The following SHPK variants were observed in gnomAD, a reference collection of about 807,000 sequenced individuals.
SHPK encodes the protein sedoheptulokinase, also known as carbohydrate kinase-like protein.
A neutral mutation model predicts 46.3 loss-of-function variants in SHPK; 51 were observed. The ratio of observed to expected loss-of-function variants is 1.10; its 90% CI spans 0.88 to 1.39. The LOEUF (loss-of-function observed/expected upper bound fraction) is 1.39, where lower values mean the gene tolerates loss of function less well. Ranked by LOEUF, SHPK falls within the 40% of genes most tolerant of loss-of-function variation. The pLI, the probability that SHPK is intolerant of heterozygous loss-of-function variation, is 0.00. For missense variants in SHPK, 668 were observed against 641.3 expected (o/e 1.04, Z -0.45); for synonymous variants, 290 against 273.9 (o/e 1.06, Z -0.58).
intron 4 of SHPK, chr17:3,622,559 C>A: frequency 1.0e-6 from 1 of 984,406 alleles, no homozygotes; most frequent in South Asian, 4.7e-5. Flanking sequence ...CTACCAGGTG[C>A]TTTTTGTTTT....
At chr17:3,614,526 AAAAAGAAAAGAAAAG>A (rs150410890) in intron 6 of SHPK, among the ~76,000 whole-genome samples, 1 of 146,286 alleles carries the variant, frequency 6.8e-6, no homozygotes, top group African/African-American at 2.6e-5. Flanking sequence ...CTCCATCTCA[AAAAAGAAAAGAAAAG>A]AAAAGAAAAG....
chr17:3,615,834 G>C (rs914966267), intron 5 of SHPK, among the ~76,000 whole-genome samples: 2 of 148,126 alleles, frequency 1.4e-5, no homozygotes, highest in Non-Finnish European at 3.0e-5. Context: ...GTGTTGAAGA[G>C]ATGTTGATCA....
intron 5 of SHPK, among the ~76,000 whole-genome samples, chr17:3,615,885 C>T (rs973625679): frequency 2.8e-5 from 4 of 143,784 alleles, no homozygotes; most frequent in East Asian, 4.0e-4. Context: ...GACAGAGTCT[C>T]GCTCTGTCAC....
Position 3,630,265 on chromosome 17 carries a change from C to G in SHPK, c.250G>C (p.Val84Leu), listed in dbSNP as rs373376728. The change falls in exon 2 of 7, where the codon GTC becomes CTC. Residue 84 changes from valine to leucine, a missense_variant. Coordinates refer to ENST00000225519, the MANE Select transcript of SHPK (RefSeq NM_013276.4). ...AALPRPQLRS[V>L]VGIGVSGQMH... is the part of the protein sequence containing the mutation. The stretch of plus-strand genomic sequence containing the variant: ...TGGCCCGACACCCCGATGCCCACGA[C>G]GCTCCGGAGCTGGGGTCGGGGAAGG... 2 of 1,613,840 alleles carry G rather than the reference C, an allele frequency of 1.2e-6. No homozygotes were observed. Among genetic ancestry groups the G allele is most frequent in the Non-Finnish European group, 1.7e-6 (2 of 1,180,026 alleles).
chr17:3,626,721 C>CAAAAA (rs59861502), intron 2 of SHPK, among the ~76,000 whole-genome samples: 1 of 106,896 alleles, frequency 9.4e-6, no homozygotes, highest in Non-Finnish European at 1.8e-5. Context: ...GACTCCATCT[C>CAAAAA]AAAAAAAAAA....
intron 2 of SHPK, among the ~76,000 whole-genome samples, chr17:3,627,436 G>C (rs1231793687): frequency 6.6e-6 from 1 of 151,914 alleles, no homozygotes; most frequent in Non-Finnish European, 1.5e-5. Flanking sequence ...TGTTTTGGAA[G>C]GTAGAGGCTG....
intron 1 of SHPK, among the ~76,000 whole-genome samples, chr17:3,634,324 C>T (rs8081847): frequency 0.06 from 8,990 of 151,022 alleles, 274 homozygotes; most frequent in Middle Eastern, 0.12. Context: ...AATCCCAGCA[C>T]TTTGGGAAAC....
chr17:3,635,309 C>T (rs1256907961), intron 1 of SHPK, among the ~76,000 whole-genome samples: 2 of 151,700 alleles, frequency 1.3e-5, no homozygotes, highest in African/African-American at 4.8e-5. Flanking sequence ...GATCTCGACT[C>T]ACTGCAAGCT....
chr17:3,633,025 C>T (rs1022844394), intron 1 of SHPK, among the ~76,000 whole-genome samples: 1 of 132,900 alleles, frequency 7.5e-6, no homozygotes, highest in African/African-American at 2.8e-5. Context: ...GTTGCCCAGG[C>T]TGGAGTGCAG....
intron 1 of SHPK, among the ~76,000 whole-genome samples, chr17:3,632,746 T>C (rs1189260759): frequency 6.6e-6 from 1 of 152,110 alleles, no homozygotes; most frequent in Non-Finnish European, 1.5e-5. Flanking sequence ...CATTAAATCC[T>C]ACTCCTCAGG....
At chr17:3,611,798 GTTTTTTTTT>G (rs570066157) in intron 6 of SHPK, among the ~76,000 whole-genome samples, 4 of 92,138 alleles carry the variant, frequency 4.3e-5, no homozygotes, top group South Asian at 7.3e-4. Context: ...AGCTCTGCGG[GTTTTTTTTT>G]TTTTTTTTTT....
chr17:3,634,491 G>C (rs1183789348), intron 1 of SHPK, among the ~76,000 whole-genome samples: 1 of 146,232 alleles, frequency 6.8e-6, no homozygotes, highest in African/African-American at 2.6e-5. Context: ...AAAATCACTT[G>C]AACCCGGGAG....
rs927480212 is a variant in SHPK at position 3,611,821 on chromosome 17, T to C, written c.1025-849A>G. 1.3e-4 allele frequency among the ~76,000 whole-genome samples: 15 copies of C among 112,424 alleles called. No individual in the cohort carries two copies. In the South Asian group the frequency reaches 1.6e-3, roughly 12 times the overall value. The allele number at this position is 112,424 out of a possible 152,430, so 73.8% of individuals were successfully genotyped here. ...GGGTTTTTTTTTTTTTTTTTTTTTT[T>C]CTGAGGCTCGCTGTGTCACCCAGGC... On this transcript the variant is annotated intron_variant, in intron 6 of 6. Coordinates refer to ENST00000225519, the MANE Select transcript of SHPK (RefSeq NM_013276.4).
chr17:3,624,885 G>C, intron 2 of SHPK, among the ~76,000 whole-genome samples: 1 of 152,040 alleles, frequency 6.6e-6, no homozygotes, highest in East Asian at 1.9e-4. Context: ...GAACTCCTGA[G>C]CTCAGGCAAT....
At chr17:3,620,324 G>A (rs1329326364) in intron 5 of SHPK, among the ~76,000 whole-genome samples, 1 of 151,514 alleles carries the variant, frequency 6.6e-6, no homozygotes, top group Non-Finnish European at 1.5e-5. Flanking sequence ...GCAGTGGCAC[G>A]ATCTCGGCTC....
At chr17:3,625,982 G>A (rs2075433428) in intron 2 of SHPK, among the ~76,000 whole-genome samples, 1 of 152,162 alleles carries the variant, frequency 6.6e-6, no homozygotes, top group African/African-American at 2.4e-5. Context: ...GAACCCAGTA[G>A]GCGGAGGTTG....
intron 2 of SHPK, among the ~76,000 whole-genome samples, chr17:3,626,587 T>C (rs749859108): frequency 6.6e-6 from 1 of 152,054 alleles, no homozygotes; most frequent in South Asian, 2.1e-4. Context: ...CCGGGCGTGA[T>C]GGCGGGTACC....
At chr17:3,635,935 G>A in intron 1 of SHPK, 117 bp downstream of exon 1, 8 of 1,047,678 alleles carry the variant, frequency 7.6e-6, no homozygotes, top group Non-Finnish European at 7.9e-6. Context: ...GGAGAAGCTG[G>A]GGACAAGCTG....
At chr17:3,621,070 G>A (rs1278046899) in intron 5 of SHPK, among the ~76,000 whole-genome samples, 167 bp downstream of exon 5, 1 of 152,202 alleles carries the variant, frequency 6.6e-6, no homozygotes, top group Non-Finnish European at 1.5e-5. Context: ...CCTCAATAGA[G>A]GATTTTACCT....
Sources: allele counts gnomAD v4.1 joint callset (sites outside exome capture counted in the v4.1 genomes callset), GRCh38; gene constraint gnomAD v4.1.1; transcripts MANE v1.5; gene names NCBI Gene and HGNC (gene_info 2026-07-23, HGNC 2026-07-21).